The following CTNNA3 variants were observed in gnomAD, a reference collection of about 807,000 sequenced individuals.
CTNNA3 encodes catenin alpha-3.
In CTNNA3, 76 loss-of-function variants were observed where a neutral mutation model predicts 95.7. The observed-to-expected ratio is 0.79, with a 90% CI of 0.66 to 0.96. The LOEUF is 0.96. Ranked by LOEUF, CTNNA3 falls within the 40% of genes least tolerant of loss-of-function variation. CTNNA3 has a pLI of 0.00. For synonymous variants in CTNNA3, 431 were observed against 374.4 expected, an observed-to-expected ratio of 1.15 and a Z score of -1.74; for missense variants, 1,191 against 1,089.8, an observed-to-expected ratio of 1.09 and a Z score of -1.31.
intron 7 of CTNNA3, among the ~76,000 whole-genome samples, chr10:66,884,991 CAGGTTATTACAT>C (rs1425461493): frequency 6.6e-6 from 1 of 152,010 alleles, no homozygotes; most frequent in African/African-American, 2.4e-5. Context: ...TTCATTTTCC[CAGGTTATTACAT>C]AGCTTGACAG....
At chr10:65,944,351 G>A (rs2077477388) in intron 17 of CTNNA3, among the ~76,000 whole-genome samples, 2 of 152,228 alleles carry the variant, frequency 1.3e-5, no homozygotes, top group South Asian at 4.1e-4. Context: ...CATTGCACCT[G>A]GCATGGCTAG....
intron 15 of CTNNA3, among the ~76,000 whole-genome samples, chr10:66,006,482 G>T (rs529578718): frequency 1.6e-4 from 24 of 152,106 alleles, no homozygotes; most frequent in African/African-American, 5.5e-4. Flanking sequence ...TTGAAAACAG[G>T]TCTTTTCTTG....
At chr10:66,914,822 A>C (rs1846402816) in intron 7 of CTNNA3, among the ~76,000 whole-genome samples, 1 of 152,232 alleles carries the variant, frequency 6.6e-6, no homozygotes, top group Non-Finnish European at 1.5e-5. Flanking sequence ...AAAAGAATGC[A>C]CATGAATGTT....
At chr10:66,984,605 G>T (rs1189266580) in intron 7 of CTNNA3, among the ~76,000 whole-genome samples, 2 of 152,110 alleles carry the variant, frequency 1.3e-5, no homozygotes, top group African/African-American at 4.8e-5. Flanking sequence ...ATGCGTTCAT[G>T]ATTCCTTTTA....
chr10:66,896,768 T>C (rs1451725882), intron 7 of CTNNA3, among the ~76,000 whole-genome samples: 1 of 152,178 alleles, frequency 6.6e-6, no homozygotes, highest in Non-Finnish European at 1.5e-5. Context: ...TGGGACTTCT[T>C]GTATGCCTTT....
At chr10:66,594,537 G>A (rs75099732) in intron 10 of CTNNA3, among the ~76,000 whole-genome samples, 3,685 of 152,174 alleles carry the variant, frequency 0.024, 145 homozygotes, top group African/African-American at 0.084. Flanking sequence ...ATTCAAACAG[G>A]TTGCAGTCAT....
At chr10:66,583,962 T>A (rs942559290) in intron 10 of CTNNA3, among the ~76,000 whole-genome samples, 2 of 151,886 alleles carry the variant, frequency 1.3e-5, no homozygotes, top group African/African-American at 2.4e-5. Flanking sequence ...GAGTAGATTG[T>A]TTAATTTCTA....
chr10:67,763,229 A>G (rs1228332874), intron 1 of CTNNA3, among the ~76,000 whole-genome samples: 2 of 152,014 alleles, frequency 1.3e-5, no homozygotes, highest in Non-Finnish European at 2.9e-5. Context: ...CCCATGCAGT[A>G]TTCATAGAGA....
At position 65,965,444 on chromosome 10, in the gene CTNNA3, G is replaced by A. The variant is rs529092378; in HGVS notation, c.2400+1168C>T. 6.0e-4 allele frequency among the ~76,000 whole-genome samples: 70 copies of A among 117,036 alleles called. 1 individual carries two copies. Among genetic ancestry groups the A allele is most frequent in the Non-Finnish European group, 9.0e-4 (56 of 62,276 alleles). 76.8% of individuals were successfully genotyped at this position (117,036 alleles called of 152,430 possible). A position where few individuals can be genotyped will look rare whatever the true frequency, so the allele number is the denominator to read the frequency against. Reference sequence around the variant, plus strand: ...TTTTGAGATGGAGTCTTGCATTGTCGCCCAGGCTGGAGTGCAGTGGCACGA... The same window carrying A: ...TTTTGAGATGGAGTCTTGCATTGTCACCCAGGCTGGAGTGCAGTGGCACGA... On this transcript the variant is annotated intron_variant, in intron 17 of 17. Coordinates refer to ENST00000433211, the MANE Select transcript of CTNNA3 (RefSeq NM_013266.4).
intron 7 of CTNNA3, among the ~76,000 whole-genome samples, chr10:66,918,513 A>C (rs1846611005): frequency 6.6e-6 from 1 of 152,338 alleles, no homozygotes; most frequent in South Asian, 2.1e-4. Context: ...CTTGTTAAAC[A>C]TATATGCCAT....
intron 7 of CTNNA3, among the ~76,000 whole-genome samples, chr10:66,829,472 C>T (rs1842633513): frequency 6.6e-6 from 1 of 151,666 alleles, no homozygotes; most frequent in Non-Finnish European, 1.5e-5. Flanking sequence ...AATTAGCCGG[C>T]CATGGTGGCA....
At chr10:66,977,343 G>A (rs1440061746) in intron 7 of CTNNA3, among the ~76,000 whole-genome samples, 1 of 151,954 alleles carries the variant, frequency 6.6e-6, no homozygotes, top group African/African-American at 2.4e-5. Flanking sequence ...GGCTGAGGCA[G>A]GAGGATTGCT....
At chr10:66,330,311 C>A (rs1409331294) in intron 12 of CTNNA3, among the ~76,000 whole-genome samples, 1 of 150,214 alleles carries the variant, frequency 6.7e-6, no homozygotes, top group African/African-American at 2.4e-5. Context: ...TGAGTGAGAA[C>A]ATGCAGTGTT....
intron 16 of CTNNA3, among the ~76,000 whole-genome samples, chr10:65,976,058 T>C (rs946201467): frequency 5.9e-5 from 9 of 152,134 alleles, no homozygotes; most frequent in African/African-American, 2.2e-4. Flanking sequence ...AAGGAGAATA[T>C]TGACAAACAG....
chr10:67,419,809 T>A (rs1251961080), intron 5 of CTNNA3, among the ~76,000 whole-genome samples: 2 of 152,232 alleles, frequency 1.3e-5, no homozygotes, highest in African/African-American at 4.8e-5. Context: ...ATCCCTTTTC[T>A]TAAATTAGTC....
intron 15 of CTNNA3, among the ~76,000 whole-genome samples, chr10:66,061,134 C>G (rs1173104467): frequency 6.6e-6 from 1 of 152,040 alleles, no homozygotes; most frequent in Non-Finnish European, 1.5e-5. Context: ...TGGCCCTTCA[C>G]CAAGGAGAAA....
intron 13 of CTNNA3, among the ~76,000 whole-genome samples, chr10:66,161,695 G>T (rs1328496295): frequency 1.3e-5 from 2 of 152,110 alleles, no homozygotes; most frequent in Admixed American, 1.3e-4. Flanking sequence ...ATCTTTTTAC[G>T]ATGAATTTCT....
chr10:66,831,907 G>C (rs1842732952), intron 7 of CTNNA3, among the ~76,000 whole-genome samples: 1 of 152,066 alleles, frequency 6.6e-6, no homozygotes, highest in Non-Finnish European at 1.5e-5. Context: ...AAACTAATGA[G>C]GATAAGGCAA....
intron 2 of CTNNA3, among the ~76,000 whole-genome samples, chr10:67,607,722 G>GC (rs1478608853): frequency 7.2e-5 from 11 of 152,214 alleles, no homozygotes; most frequent in Admixed American, 4.6e-4. Context: ...ACCAAGAACA[G>GC]CAACAGCAGC....
Sources: gnomAD v4.1 joint callset for allele counts (sites outside exome capture counted in the v4.1 genomes callset) on GRCh38, gnomAD v4.1.1 for gene constraint, MANE v1.5 for transcripts, NCBI Gene and HGNC (gene_info 2026-07-23, HGNC 2026-07-21) for gene names.